MINAR1: variants seen among roughly 807,000 people sequenced by gnomAD.
MINAR1 encodes membrane integral NOTCH2 associated receptor 1, also known as major intrinsically disordered Notch2-binding receptor 1.
Under a neutral mutation model 65.1 loss-of-function variants are expected in MINAR1, and 40 were observed. The observed-to-expected ratio is 0.61, with a 90% CI of 0.48 to 0.80. The LOEUF is 0.80. MINAR1 is among the 30% of genes least tolerant of loss of function. The probability of loss-of-function intolerance (pLI) is 0.00; values close to 1 mark genes in which losing one functional copy is unlikely to be tolerated. For missense variants in MINAR1, 1,128 were observed against 1,148.0 expected (o/e 0.98, Z 0.25); for synonymous variants, 482 against 449.1 (o/e 1.07, Z -0.93).
intron 1 of MINAR1, among the ~76,000 whole-genome samples, chr15:79,451,516 G>A (rs1301510758): frequency 2.0e-5 from 3 of 152,192 alleles, no homozygotes; most frequent in Non-Finnish European, 4.4e-5. Context: ...GAGACACAGG[G>A]GAGGGGAGGC....
At position 79,456,996 on chromosome 15, in the gene MINAR1, T is replaced by C. The variant is rs773444126; in HGVS notation, c.849T>C (p.Asn283=). 1.2e-6 allele frequency: 2 copies of C among 1,614,012 alleles called. No individual in the cohort carries two copies. The highest frequency in any genetic ancestry group is 1.3e-5 in the African/African-American group (1 of 74,920). ...TTGGCCCCATCAGCAAAGCAGAGAA[T>C]GAGCACAGGGAACCCCAGAGTCGAA... is the stretch of plus-strand genomic sequence containing the variant. ...SLVGPISKAE[N]EHREPQSRKE... The change falls in exon 2 of 4, where the codon AAT becomes AAC. Residue 283 remains asparagine (N), a synonymous_variant. Coordinates refer to ENST00000305428, the MANE Select transcript of MINAR1 (RefSeq NM_015206.3).
At chr15:79,432,064 C>T (rs942889251), upstream of MINAR1, among the ~76,000 whole-genome samples, 1 of 152,166 alleles carries the variant, frequency 6.6e-6, no homozygotes, top group Admixed American at 6.5e-5. Context: ...CCCAGCTCTC[C>T]CCAGCCGCGT....
At chr15:79,430,464 G>T (rs1894411650), upstream of MINAR1, among the ~76,000 whole-genome samples, 1 of 152,136 alleles carries the variant, frequency 6.6e-6, no homozygotes, top group African/African-American at 2.4e-5. Flanking sequence ...ACTTGTTCAG[G>T]TCTCAAATAA....
the MINAR1 span, chr15:79,411,456 A>C: frequency 1.4e-6 from 1 of 702,554 alleles, no homozygotes; most frequent in East Asian, 2.7e-5. Context: ...ATATGCAGCC[A>C]GGCGGAACAC....
intron 3 of MINAR1, among the ~76,000 whole-genome samples, chr15:79,466,416 A>G (rs1413403576): frequency 6.6e-6 from 1 of 152,224 alleles, no homozygotes; most frequent in Non-Finnish European, 1.5e-5. Flanking sequence ...GAAAGCAGCT[A>G]TAGACAATTT....
intron 1 of MINAR1, among the ~76,000 whole-genome samples, chr15:79,436,507 A>G (rs1232968963): frequency 6.6e-6 from 1 of 152,244 alleles, no homozygotes; most frequent in Non-Finnish European, 1.5e-5. Flanking sequence ...AAGCTGATAA[A>G]TGTGTTCAGT....
the MINAR1 span, chr15:79,425,049 T>A: frequency 1.5e-5 from 2 of 131,034 alleles, no homozygotes; most frequent in Non-Finnish European, 3.6e-5. Context: ...TTTTTTTTTT[T>A]ATTTTTTTGA....
chr15:79,459,085 C>G (rs1191885415), intron 2 of MINAR1, among the ~76,000 whole-genome samples: 1 of 152,012 alleles, frequency 6.6e-6, no homozygotes, highest in African/African-American at 2.4e-5. Flanking sequence ...GAGGCTGAGG[C>G]AGGAGAATTG....
intron 2 of MINAR1, among the ~76,000 whole-genome samples, chr15:79,459,692 T>C (rs995215128): frequency 1.3e-5 from 2 of 152,054 alleles, no homozygotes; most frequent in South Asian, 2.1e-4. Context: ...AAAACTGGGT[T>C]TTAAGGAAAT....
the MINAR1 span, chr15:79,419,084 T>C: frequency 6.6e-6 from 1 of 152,336 alleles, no homozygotes; most frequent in African/African-American, 2.4e-5. Flanking sequence ...TCAGATATAA[T>C]GTGATGGGTG....
chr15:79,452,744 G>A (rs910081989), intron 1 of MINAR1, among the ~76,000 whole-genome samples: 1 of 133,828 alleles, frequency 7.5e-6, no homozygotes, highest in African/African-American at 2.6e-5. Flanking sequence ...GGGTGTGTGG[G>A]GGGGGTGTGT....
chr15:79,442,173 A>G (rs968480811), intron 1 of MINAR1, among the ~76,000 whole-genome samples: 1 of 151,574 alleles, frequency 6.6e-6, no homozygotes, highest in African/African-American at 2.4e-5. Context: ...AAACCCTTTC[A>G]CTACCTCAAA....
the MINAR1 span, chr15:79,415,672 T>C: frequency 3.9e-5 from 6 of 152,296 alleles, no homozygotes; most frequent in Non-Finnish European, 7.3e-5. Context: ...AGAGGGTGCA[T>C]TCAGGCCAGG....
intron 1 of MINAR1, among the ~76,000 whole-genome samples, chr15:79,439,337 G>T: frequency 1.6e-5 from 1 of 62,414 alleles, no homozygotes; most frequent in Non-Finnish European, 3.5e-5. Flanking sequence ...GGTGGGGTAG[G>T]CAGTGTGTGT....
chr15:79,458,777 T>C (rs1008716253), intron 2 of MINAR1, among the ~76,000 whole-genome samples: 1 of 152,336 alleles, frequency 6.6e-6, no homozygotes, highest in South Asian at 2.1e-4. Flanking sequence ...ACCAAGGATA[T>C]CTTCCTGTCC....
chr15:79,430,673 C>G (rs1894415270), upstream of MINAR1, among the ~76,000 whole-genome samples: 1 of 152,182 alleles, frequency 6.6e-6, no homozygotes, highest in Non-Finnish European at 1.5e-5. Context: ...ATCAAACAAA[C>G]TTCACTCCTA....
chr15:79,413,061 A>T, the MINAR1 span: 2 of 152,200 alleles, frequency 1.3e-5, no homozygotes, highest in Admixed American at 1.3e-4. Context: ...AGAGAAAAAA[A>T]AACCATCCCA....
chr15:79,462,959 C>A, intron 2 of MINAR1, 108 bp from the exon 3 acceptor site: 2 of 1,228,340 alleles, frequency 1.6e-6, no homozygotes, highest in South Asian at 1.5e-5. Flanking sequence ...GAAGTAACTG[C>A]ACTTTGCTAC....
chr15:79,446,560 T>G (rs1345127783), intron 1 of MINAR1, among the ~76,000 whole-genome samples: 2 of 152,132 alleles, frequency 1.3e-5, no homozygotes, highest in Non-Finnish European at 2.9e-5. Context: ...CTTAAAAATC[T>G]GCTTTTAAGT....
Sources: gnomAD v4.1 joint callset for allele counts (sites outside exome capture counted in the v4.1 genomes callset) on GRCh38, gnomAD v4.1.1 for gene constraint, MANE v1.5 for transcripts, NCBI Gene and HGNC (gene_info 2026-07-23, HGNC 2026-07-21) for gene names.